Variants in MMP27 observed in about 807,000 individuals in gnomAD.
The protein encoded by MMP27 is matrix metalloproteinase-27.
A neutral mutation model predicts 48.1 loss-of-function variants in MMP27; 51 were observed. That is an observed-to-expected ratio of 1.06 (90% CI 0.85 to 1.34). The LOEUF is 1.34. Ranked by LOEUF, MMP27 falls within the 40% of genes most tolerant of loss-of-function variation. The probability of loss-of-function intolerance (pLI) is 0.00; values close to 1 mark genes in which losing one functional copy is unlikely to be tolerated. For synonymous variants in MMP27, 229 were observed against 208.9 expected, an observed-to-expected ratio of 1.10 and a Z score of -0.83; for missense variants, 698 against 619.3, an observed-to-expected ratio of 1.13 and a Z score of -1.35.
intron 4 of MMP27, among the ~76,000 whole-genome samples, chr11:102,701,350 C>A (rs1860936896): frequency 6.6e-6 from 1 of 152,124 alleles, no homozygotes; most frequent in Non-Finnish European, 1.5e-5. Context: ...GGGCTTAAAG[C>A]AGTATGGGTA....
chr11:102,704,676 C>T lies in MMP27; in HGVS notation c.202G>A (p.Ala68Thr), dbSNP rs150709764. The T allele has an allele frequency of 2.6e-5, 42 of 1,613,746 alleles. No homozygotes were observed. In the African/African-American group the frequency reaches 4.7e-4, roughly 18 times the overall value. ...LIDDKIREMQ[A>T]FFGLTVTGKL... is the part of the protein sequence containing the mutation. Reference sequence around the variant, plus strand: ...CCAGTCACTGTCAATCCAAAAAATGCTTGCATTTCCCGAATTTTGTCATCT... The same window carrying T: ...CCAGTCACTGTCAATCCAAAAAATGTTTGCATTTCCCGAATTTTGTCATCT... The change falls in exon 2 of 10, where the codon GCA (alanine) becomes ACA (threonine). Residue 68 changes from alanine to threonine, a missense_variant. Ala to Thr is a moderately conservative substitution (Grantham distance 58). Coordinates refer to ENST00000260229, the MANE Select transcript of MMP27 (RefSeq NM_022122.3).
intron 4 of MMP27, among the ~76,000 whole-genome samples, chr11:102,701,023 G>T (rs1005705023): frequency 2.0e-5 from 3 of 152,168 alleles, no homozygotes; most frequent in African/African-American, 7.2e-5. Context: ...TTTAAAAATT[G>T]CAATTTTGTT....
intron 5 of MMP27, 32 bp downstream of exon 5, chr11:102,696,642 T>C: frequency 6.3e-7 from 1 of 1,583,486 alleles, no homozygotes; most frequent in Non-Finnish European, 8.6e-7. Context: ...CCTATTTAGT[T>C]CACATATATT....
At chr11:102,694,835 C>G in intron 7 of MMP27, 132 bp downstream of exon 7, 1 of 952,180 alleles carries the variant, frequency 1.1e-6, no homozygotes, top group Non-Finnish European at 1.5e-6. Context: ...TTCTTTACGA[C>G]AGGAACCTAA....
At position 102,705,707 on chromosome 11, in the gene MMP27, C is replaced by A. The variant is rs184904777; in HGVS notation, c.8G>T (p.Arg3Leu). Residue 3 changes from arginine (R) to leucine (L), a missense_variant, in exon 1 of 10, where the codon CGC becomes CTC. Transcript: ENST00000260229. ...AAAGAACAAAAACAGAAGCAGAAGGCGCTTCATTCCTCTCTTTCTTCAGCT... is the reference window on the plus strand; with the variant it reads ...AAAGAACAAAAACAGAAGCAGAAGGAGCTTCATTCCTCTCTTTCTTCAGCT... MK[R>L]LLLLFLFFIT... The A allele has an allele frequency of 1.2e-6, 2 of 1,603,516 alleles. No homozygotes were observed. The highest frequency in any genetic ancestry group is 4.5e-5 in the East Asian group (2 of 44,340).
At position 102,696,383 on chromosome 11, in the gene MMP27, A is replaced by G. The variant is rs1860826439; in HGVS notation, c.890T>C (p.Phe297Ser). The change falls in exon 6 of 10, where the codon TTC becomes TCC. Residue 297 changes from phenylalanine to serine, a missense_variant. Transcript: ENST00000260229. ...GAAATGAGTTTACCTGCCTTTAAAG[A>G]ACATTACTTCTCTGCGGAAAGTTGT... ...AITTFRREVM[F>S]FKGRHLWRIY... 6.2e-7 allele frequency: 1 copy of G among 1,613,636 alleles called. No individual in the cohort carries two copies. Among genetic ancestry groups the G allele is most frequent in the Non-Finnish European group, 8.5e-7 (1 of 1,179,758 alleles).
chr11:102,695,415 C>T lies in MMP27; in HGVS notation c.903-318G>A, dbSNP rs182115562. Among the ~76,000 whole-genome samples, 178 of 152,288 alleles carry T rather than the reference C, an allele frequency of 1.2e-3. 1 individual carries two copies. Among genetic ancestry groups the T allele is most frequent in the Non-Finnish European group, 2.2e-3 (152 of 68,042 alleles). ...CAACACCCAACATTCTAAGCCAACACCAAGCATTCCTAAGAGGAACTTTTT... is the reference window on the plus strand; with the variant it reads ...CAACACCCAACATTCTAAGCCAACATCAAGCATTCCTAAGAGGAACTTTTT... On this transcript the variant is annotated intron_variant, in intron 6 of 9. Coordinates refer to ENST00000260229, the MANE Select transcript of MMP27 (RefSeq NM_022122.3).
chr11:102,704,771 T>C lies in MMP27; in HGVS notation c.107A>G (p.Tyr36Cys), dbSNP rs1181481024. ...NEENMQLAQA[Y>C]LNQFYSLEIE... ...TTCAAGAGAGTAGAACTGGTTGAGA[T>C]ATGCCTGACCAAAAAGATAAGAAAA... is the stretch of plus-strand genomic sequence containing the variant. Residue 36 changes from tyrosine to cysteine, a missense_variant, in exon 2 of 10, where the codon TAT becomes TGT. Physicochemically the swap from Tyr to Cys is radical, Grantham distance 194. Coordinates refer to ENST00000260229, the MANE Select transcript of MMP27 (RefSeq NM_022122.3). 7 of 1,582,756 alleles carry C rather than the reference T, an allele frequency of 4.4e-6. No homozygotes were observed. The highest frequency in any genetic ancestry group is 1.4e-5 in the African/African-American group (1 of 72,908).
Position 102,702,909 on chromosome 11 carries a change from AG to A in MMP27, c.491-29del, listed in dbSNP as rs1860970634. On this transcript the variant is annotated intron_variant, in intron 3 of 9. Transcript: ENST00000260229. ...GAGATACAATTTATGCGAGGAAAAA[AG>A]ATCAGCTTCCTCAAATCTCCTGAGA... 3 of 1,611,970 alleles carry A rather than the reference AG, an allele frequency of 1.9e-6. No individual in the cohort carries two copies. In the East Asian group the frequency reaches 6.7e-5, roughly 36 times the overall value.
chr11:102,694,376 T>C (rs1860783338), intron 7 of MMP27, among the ~76,000 whole-genome samples: 1 of 152,238 alleles, frequency 6.6e-6, no homozygotes, highest in African/African-American at 2.4e-5. Flanking sequence ...AACATCACAT[T>C]GTACCCCATA....
intron 6 of MMP27, 42 bp from the exon 7 acceptor site, chr11:102,695,139 C>G (rs772109027): frequency 6.3e-7 from 1 of 1,588,576 alleles, no homozygotes; most frequent in African/African-American, 1.3e-5. Flanking sequence ...AGCCTATTTC[C>G]ATGTCAATGA....
intron 4 of MMP27, among the ~76,000 whole-genome samples, chr11:102,700,363 T>C (rs1427001746): frequency 6.6e-6 from 1 of 152,242 alleles, no homozygotes; most frequent in Non-Finnish European, 1.5e-5. Flanking sequence ...TTTTTCCTTA[T>C]GCCTAGAATG....
Position 102,696,437 on chromosome 11 carries a change from C to T in MMP27, c.836G>A (p.Cys279Tyr). 2 of 1,613,888 alleles carry T rather than the reference C, an allele frequency of 1.2e-6. No individual in the cohort carries two copies. Among genetic ancestry groups the T allele is most frequent in the Non-Finnish European group, 1.7e-6 (2 of 1,179,872 alleles). The change falls in exon 6 of 10, where the codon TGT becomes TAT. Residue 279 changes from cysteine to tyrosine, a missense_variant. Physicochemically the swap from Cys to Tyr is radical, Grantham distance 194. Transcript: ENST00000260229. The stretch of plus-strand genomic sequence containing the variant: ...AGCGTCAAAAGTCAAGTCAGGGTCA[C>T]AGGCATGGGGTATAGTGGGTTCCTT... Reference protein sequence around the residue: ...KPKEPTIPHACDPDLTFDAIT... With the variant: ...KPKEPTIPHAYDPDLTFDAIT...
At position 102,702,790 on chromosome 11, in the gene MMP27, A is replaced by G. The variant is rs113916966; in HGVS notation, c.582T>C (p.His194=). ...PPGPGLGGDT[H]FDEDENWTKD... is the part of the protein sequence containing the mutation. The stretch of plus-strand genomic sequence containing the variant: ...TGGTCCAGTTTTCATCCTCATCAAA[A>G]TGAGTGTCACCACCCAGACCCGGAC... Residue 194 remains histidine (H), a synonymous_variant, in exon 4 of 10, where the codon CAT becomes CAC. Coordinates refer to ENST00000260229, the MANE Select transcript of MMP27 (RefSeq NM_022122.3). 251 of 1,613,972 alleles carry G rather than the reference A, an allele frequency of 1.6e-4. 3 individuals carry two copies. The Middle Eastern group carries it at 2.1e-3, about 14-fold the overall frequency.
intron 4 of MMP27, among the ~76,000 whole-genome samples, chr11:102,702,432 C>A (rs1860956752): frequency 6.6e-6 from 1 of 152,238 alleles, no homozygotes. Flanking sequence ...CACACAGGAT[C>A]ATGAACCTCT....
intron 4 of MMP27, among the ~76,000 whole-genome samples, chr11:102,701,526 G>A (rs1414129206): frequency 6.6e-6 from 1 of 152,206 alleles, no homozygotes; most frequent in East Asian, 1.9e-4. Context: ...CACACCCGCA[G>A]TGTCTTCAGA....
In MMP27 at chr11:102,703,084, C is replaced by T; in HGVS notation, c.376G>A (p.Ala126Thr). The T allele has an allele frequency of 6.2e-7, 1 of 1,613,862 alleles. No homozygotes were observed. The highest frequency in any genetic ancestry group is 8.5e-7 in the Non-Finnish European group (1 of 1,179,938). ...CCTTCTTGGATAGCCTCATCCACAG[C>T]AGCTCGTGCCATATCCGGAGTATAG... ...INYTPDMARA[A>T]VDEAIQEGLE... Residue 126 changes from alanine (A) to threonine (T), a missense_variant, in exon 3 of 10, where the codon GCT becomes ACT. Coordinates refer to ENST00000260229, the MANE Select transcript of MMP27 (RefSeq NM_022122.3).
intron 4 of MMP27, among the ~76,000 whole-genome samples, chr11:102,699,670 G>C (rs1198815850): frequency 3.3e-5 from 5 of 152,184 alleles, no homozygotes; most frequent in Non-Finnish European, 7.3e-5. Flanking sequence ...GCTGCCCCTT[G>C]CCTGGCTGGC....
chr11:102,702,663 T>C (rs1860962853), intron 4 of MMP27, 90 bp downstream of exon 4: 10 of 1,434,114 alleles, frequency 7.0e-6, no homozygotes, highest in Admixed American at 2.3e-5. Flanking sequence ...TTGGGAACTT[T>C]ACAGTTAAAA....
Sources: allele counts gnomAD v4.1 joint callset (sites outside exome capture counted in the v4.1 genomes callset), GRCh38; gene constraint gnomAD v4.1.1; transcripts MANE v1.5; gene names NCBI Gene and HGNC (gene_info 2026-07-23, HGNC 2026-07-21).